OVGP1: variants seen among roughly 807,000 people sequenced by gnomAD.
OVGP1 encodes the protein oviductal glycoprotein 1.
Under a neutral mutation model 48.2 loss-of-function variants are expected in OVGP1, and 26 were observed. The observed-to-expected ratio is 0.54, with a 90% CI of 0.40 to 0.75. OVGP1 has a LOEUF of 0.75. OVGP1 is among the 30% of genes least tolerant of loss of function. OVGP1 has a pLI of 0.00. For synonymous variants in OVGP1, 294 were observed against 305.7 expected, an observed-to-expected ratio of 0.96 and a Z score of 0.40; for missense variants, 791 against 820.6, an observed-to-expected ratio of 0.96 and a Z score of 0.44.
intron 10 of OVGP1, 26 bp downstream of exon 10, chr1:111,416,297 C>T: frequency 6.5e-7 from 1 of 1,540,186 alleles, no homozygotes; most frequent in Non-Finnish European, 8.8e-7. Context: ...ACTTCCAACC[C>T]CAGCTTCTAG....
rs897373011 is a variant in OVGP1 at position 111,416,331 on chromosome 1, A to C, written c.1148T>G (p.Val383Gly). The change falls in exon 10 of 11, where the codon GTG becomes GGG. Residue 383 changes from valine (V) to glycine (G), a missense_variant. Val to Gly is a moderately radical substitution (Grantham distance 109). Coordinates refer to ENST00000369732, the MANE Select transcript of OVGP1 (RefSeq NM_002557.4). ...PLVYVLNDIL[V>G]RAEFSSTSLP... Reference sequence around the variant, plus strand: ...AGGTCACAGCTACTTACCAGCCCGCACCAGGATATCATTCAATACGTAGAC... The same window carrying C: ...AGGTCACAGCTACTTACCAGCCCGCCCCAGGATATCATTCAATACGTAGAC... 1 of 1,587,738 alleles carries C rather than the reference A, an allele frequency of 6.3e-7. No individual in the cohort carries two copies. Among genetic ancestry groups the C allele is most frequent in the East Asian group, 2.3e-5 (1 of 43,786 alleles).
intron 6 of OVGP1, 25 bp downstream of exon 6, chr1:111,422,901 GC>G: frequency 1.2e-6 from 2 of 1,613,252 alleles, no homozygotes; most frequent in Non-Finnish European, 1.7e-6. Flanking sequence ...CCAATGTCCT[GC>G]CCCACCAAAG....
chr1:111,425,004 T>A (rs144732278), intron 4 of OVGP1, among the ~76,000 whole-genome samples: 1 of 152,362 alleles, frequency 6.6e-6, no homozygotes, highest in African/African-American at 2.4e-5. Context: ...GAGGTTGATA[T>A]CCCTGGATCC....
Position 111,415,290 on chromosome 1 carries a change from G to A in OVGP1, c.1211C>T (p.Ser404Leu), listed in dbSNP as rs770340332. The change falls in exon 11 of 11, where the codon TCA (serine) becomes TTA (leucine). Residue 404 changes from serine (S) to leucine (L), a missense_variant. Coordinates refer to ENST00000369732, the MANE Select transcript of OVGP1 (RefSeq NM_002557.4). ...AGCCAGCCTTTCAGGGTCAGTGCTT[G>A]AAGAATTCACAGCAGATGACAGCCA... ...QFWLSSAVNS[S>L]STDPERLAVT... 14 of 1,613,944 alleles carry A rather than the reference G, an allele frequency of 8.7e-6. No individual in the cohort carries two copies. Among genetic ancestry groups the A allele is most frequent in the Non-Finnish European group, 7.6e-6 (9 of 1,179,938 alleles).
At chr1:111,421,520 AG>A (rs1652269677) in intron 7 of OVGP1, 44 bp downstream of exon 7, 1 of 1,608,750 alleles carries the variant, frequency 6.2e-7, no homozygotes, top group African/African-American at 1.3e-5. Context: ...GCCTGAGCTC[AG>A]GGGGGCAGAT....
intron 8 of OVGP1, among the ~76,000 whole-genome samples, 188 bp downstream of exon 8, chr1:111,421,088 A>G (rs369468580): frequency 8.5e-5 from 13 of 152,288 alleles, no homozygotes; most frequent in African/African-American, 3.1e-4. Context: ...GTCCCTTACA[A>G]AGGACTCAAA....
In OVGP1 at chr1:111,421,268, C is replaced by A; in HGVS notation, c.903+8G>T. ...TAACTGCTAGACAGAGACTGATATT[C>A]CCATCACCTCAAAATAAGCCAAGAA... On this transcript the variant is annotated splice_region_variant and intron_variant, in intron 8 of 10. Coordinates refer to ENST00000369732, the MANE Select transcript of OVGP1 (RefSeq NM_002557.4). 2 of 1,592,042 alleles carry A rather than the reference C, an allele frequency of 1.3e-6. No homozygotes were observed. Among genetic ancestry groups the A allele is most frequent in the Non-Finnish European group, 1.7e-6 (2 of 1,169,776 alleles).
rs1458365745 is a variant in OVGP1, at chr1:111,423,564, C to G, written c.462G>C (p.Trp154Cys). ...TTACTTCAATTAAGAAGAGAAAAGT[C>G]CACCGGTCATGCATGGGGCTGCCTC... ...GLRGSPMHDR[W>C]TFLFLIEELL... Residue 154 changes from tryptophan to cysteine, a missense_variant, in exon 5 of 11, where the codon TGG (tryptophan) becomes TGC (cysteine). By Grantham distance (215) the Trp-to-Cys change is radical (BLOSUM62 -2). Coordinates refer to ENST00000369732, the MANE Select transcript of OVGP1 (RefSeq NM_002557.4). 2 of 1,614,082 alleles carry G rather than the reference C, an allele frequency of 1.2e-6. No individual in the cohort carries two copies. The highest frequency in any genetic ancestry group is 1.7e-6 in the Non-Finnish European group (2 of 1,180,002).
chr1:111,414,804 C>T lies in OVGP1; in HGVS notation c.1697G>A (p.Arg566Lys). 6.3e-7 allele frequency: 1 copy of T among 1,598,504 alleles called. No individual in the cohort carries two copies. ...CACCTTTTCACGGGCCACAGCCTTC[C>T]TTCTAGGGGCCACTGTATTCTGTCT... ...TLRQNTVAPR[R>K]KAVAREKVTV... Residue 566 changes from arginine (R) to lysine (K), a missense_variant, in exon 11 of 11, where the codon AGG (arginine) becomes AAG (lysine). Coordinates refer to ENST00000369732, the MANE Select transcript of OVGP1 (RefSeq NM_002557.4).
intron 10 of OVGP1, among the ~76,000 whole-genome samples, chr1:111,415,728 C>G (rs1016793055): frequency 2.0e-5 from 3 of 152,166 alleles, no homozygotes; most frequent in Admixed American, 6.5e-5. Context: ...CAAGGAGAAG[C>G]TTCTTATGTC....
At position 111,423,049 on chromosome 1, in the gene OVGP1, C is replaced by T. The variant is rs1358506875; in HGVS notation, c.486G>A (p.Glu162=). ...DRWTFLFLIE[E]LLFAFRKEAL... Reference sequence around the variant, plus strand: ...CCTCCTTCCGGAAGGCAAACAGGAGCTCCTAAGAGGAAAGACAGAAAGACA... The same window carrying T: ...CCTCCTTCCGGAAGGCAAACAGGAGTTCCTAAGAGGAAAGACAGAAAGACA... The change falls in exon 6 of 11, where the codon GAG becomes GAA. Residue 162 remains glutamate (E), a splice_region_variant and synonymous_variant. Coordinates refer to ENST00000369732, the MANE Select transcript of OVGP1 (RefSeq NM_002557.4). The T allele has an allele frequency of 5.0e-6, 8 of 1,614,020 alleles. No homozygotes were observed. Among genetic ancestry groups the T allele is most frequent in the Non-Finnish European group, 5.9e-6 (7 of 1,180,018 alleles).
intron 9 of OVGP1, among the ~76,000 whole-genome samples, chr1:111,416,927 G>A (rs2101722838): frequency 6.6e-6 from 1 of 152,342 alleles, no homozygotes; most frequent in African/African-American, 2.4e-5. Context: ...AATGGGCACA[G>A]GGTTTCCATT....
At chr1:111,417,808 C>T (rs969566237) in intron 9 of OVGP1, among the ~76,000 whole-genome samples, 1 of 152,214 alleles carries the variant, frequency 6.6e-6, no homozygotes, top group Admixed American at 6.5e-5. Flanking sequence ...GTTCAATTCA[C>T]CTGCATATGC....
intron 4 of OVGP1, among the ~76,000 whole-genome samples, chr1:111,424,037 A>G (rs1652339865): frequency 6.6e-6 from 1 of 152,170 alleles, no homozygotes; most frequent in Non-Finnish European, 1.5e-5. Context: ...CCCCCAAAAC[A>G]TGGTATGCCC....
intron 6 of OVGP1, among the ~76,000 whole-genome samples, chr1:111,422,042 C>T (rs1309662976): frequency 6.6e-6 from 1 of 152,182 alleles, no homozygotes; most frequent in Non-Finnish European, 1.5e-5. Flanking sequence ...AAACCCACCT[C>T]CTCTAGAAAG....
intron 4 of OVGP1, among the ~76,000 whole-genome samples, chr1:111,424,683 T>A (rs1652355765): frequency 6.6e-6 from 1 of 152,194 alleles, no homozygotes; most frequent in Non-Finnish European, 1.5e-5. Flanking sequence ...CAGAGCTAGT[T>A]CTCACCCCCC....
At chr1:111,421,811 C>A in intron 6 of OVGP1, 138 bp from the exon 7 acceptor site, 1 of 622,294 alleles carries the variant, frequency 1.6e-6, no homozygotes, top group East Asian at 2.7e-5. Context: ...GGGGCCTGCC[C>A]AGGCTGTGCT....
chr1:111,421,272 T>C lies in OVGP1; in HGVS notation c.903+4A>G, dbSNP rs1352235204. On this transcript the variant is annotated splice_donor_region_variant and intron_variant, in intron 8 of 10. Transcript: ENST00000369732. ...TGCTAGACAGAGACTGATATTCCCATCACCTCAAAATAAGCCAAGAAGCCT... is the reference window on the plus strand; with the variant it reads ...TGCTAGACAGAGACTGATATTCCCACCACCTCAAAATAAGCCAAGAAGCCT... 3 of 1,594,816 alleles carry C rather than the reference T, an allele frequency of 1.9e-6. No homozygotes were observed. The highest frequency in any genetic ancestry group is 1.7e-4 in the Middle Eastern group (1 of 5,934).
intron 10 of OVGP1, 93 bp downstream of exon 10, chr1:111,416,230 G>A: frequency 7.6e-7 from 1 of 1,313,482 alleles, no homozygotes; most frequent in Non-Finnish European, 1.0e-6. Context: ...ATGTCATGTT[G>A]CCTCACCAAG....
Sources: allele counts gnomAD v4.1 joint callset (sites outside exome capture counted in the v4.1 genomes callset), GRCh38; gene constraint gnomAD v4.1.1; transcripts MANE v1.5; gene names NCBI Gene and HGNC (gene_info 2026-07-23, HGNC 2026-07-21).